The following STK4 variants were observed in gnomAD, a reference collection of about 807,000 sequenced individuals.
STK4 encodes the protein serine/threonine-protein kinase 4.
In STK4, 30 loss-of-function variants were observed where a neutral mutation model predicts 64.9. The ratio of observed to expected loss-of-function variants is 0.46; its 90% CI spans 0.35 to 0.63. The LOEUF (loss-of-function observed/expected upper bound fraction) is 0.63. Ranked by LOEUF, STK4 falls within the 20% of genes least tolerant of loss-of-function variation. The pLI, the probability that STK4 is intolerant of heterozygous loss-of-function variation, is 0.01. For synonymous variants in STK4, 177 were observed against 199.0 expected (o/e 0.89, Z 0.93); for missense variants, 466 against 598.5 (o/e 0.78, Z 2.31).
At chr20:45,042,853 A>G (rs1449697360) in intron 10 of STK4, among the ~76,000 whole-genome samples, 1 of 147,216 alleles carries the variant, frequency 6.8e-6, no homozygotes, top group East Asian at 1.9e-4. Flanking sequence ...AAAAATTTCC[A>G]ACTTTTAAGT....
intron 10 of STK4, among the ~76,000 whole-genome samples, chr20:45,064,111 G>C (rs574193390): frequency 2.8e-4 from 42 of 151,936 alleles, no homozygotes; most frequent in Middle Eastern, 3.4e-3. Context: ...CCCGGCCAAG[G>C]GGGGGGGTCC....
At chr20:45,048,262 T>C (rs1181116448) in intron 10 of STK4, among the ~76,000 whole-genome samples, 1 of 152,208 alleles carries the variant, frequency 6.6e-6, no homozygotes, top group Non-Finnish European at 1.5e-5. Context: ...TCATATTTAC[T>C]TCTGAGTTAT....
At chr20:45,001,047 T>C in intron 8 of STK4, 120 bp from the exon 9 acceptor site, 1 of 1,127,854 alleles carries the variant, frequency 8.9e-7, no homozygotes, top group South Asian at 1.7e-5. Context: ...GGAAGGTGAG[T>C]TTAGGACCTG....
intron 1 of STK4, among the ~76,000 whole-genome samples, chr20:44,967,821 T>C (rs1358889905): frequency 6.6e-6 from 1 of 152,166 alleles, no homozygotes. Flanking sequence ...CACCCTAGCG[T>C]AGTGTGCTGA....
chr20:45,068,016 T>C (rs1979730739), intron 10 of STK4, among the ~76,000 whole-genome samples: 1 of 152,208 alleles, frequency 6.6e-6, no homozygotes, highest in Non-Finnish European at 1.5e-5. Flanking sequence ...CAAAAAAGGA[T>C]ATAAGGTGGT....
chr20:45,054,461 G>GCT (rs1213566673), intron 10 of STK4, among the ~76,000 whole-genome samples: 1 of 151,616 alleles, frequency 6.6e-6, no homozygotes, highest in Non-Finnish European at 1.5e-5. Flanking sequence ...TACTCAAGAG[G>GCT]CTGAGGCAGG....
intron 10 of STK4, among the ~76,000 whole-genome samples, chr20:45,025,959 CT>C (rs1173707228): frequency 6.6e-6 from 1 of 152,124 alleles, no homozygotes; most frequent in Non-Finnish European, 1.5e-5. Context: ...TTAATTTCTA[CT>C]TTTATAAAAT....
chr20:44,997,841 A>G (rs1326621525), intron 7 of STK4, among the ~76,000 whole-genome samples: 1 of 152,208 alleles, frequency 6.6e-6, no homozygotes, highest in African/African-American at 2.4e-5. Flanking sequence ...AAGGGAACTG[A>G]CATTTAGTGA....
Position 45,079,837 on chromosome 20 carries a change from CTTTTT to C in STK4, c.*4663_*4667del, listed in dbSNP as rs1435908895. The C allele has an allele frequency of 1.3e-5, 2 of 152,470 alleles. No individual in the cohort carries two copies. Among genetic ancestry groups the C allele is most frequent in the Non-Finnish European group, 2.9e-5 (2 of 67,994 alleles). 9.4% of individuals were successfully genotyped at this position (152,470 alleles called of 1,614,324 possible). A position where few individuals can be genotyped will look rare whatever the true frequency, so the allele number is the denominator to read the frequency against. On this transcript the variant is annotated 3_prime_UTR_variant, in exon 11 of 11. Coordinates refer to ENST00000372806, the MANE Select transcript of STK4 (RefSeq NM_006282.5). ...CCTCCATTGCCCCCACTCCTTTTTT[CTTTTT>C]TAAGTTTGAGATGCTTCCTGTGTTT... is the stretch of plus-strand genomic sequence containing the variant.
chr20:45,063,688 AT>A (rs752049863), intron 10 of STK4, among the ~76,000 whole-genome samples: 18 of 151,932 alleles, frequency 1.2e-4, no homozygotes, highest in Non-Finnish European at 2.1e-4. Flanking sequence ...CCAGAGTGGT[AT>A]TTCCTAGGTT....
intron 10 of STK4, among the ~76,000 whole-genome samples, chr20:45,057,835 A>G (rs1254746004): frequency 2.0e-5 from 3 of 152,222 alleles, no homozygotes; most frequent in African/African-American, 4.8e-5. Flanking sequence ...TTAGGAATTT[A>G]TACACATTTG....
rs1159526308 is a variant in STK4 at position 44,966,594 on chromosome 20, C to T, written c.26C>T (p.Pro9Leu). The T allele has an allele frequency of 1.6e-6, 2 of 1,273,326 alleles. No individual in the cohort carries two copies. Among genetic ancestry groups the T allele is most frequent in the Non-Finnish European group, 2.0e-6 (2 of 1,001,450 alleles). 78.9% of individuals were successfully genotyped at this position (1,273,326 alleles called of 1,614,324 possible). METVQLRN[P>L]PRRQLKKLDE... Reference sequence around the variant, plus strand: ...ATGGAGACGGTACAGCTGAGGAACCCGCCGCGCCGGTGAGGGGCCACTGGC... The same window carrying T: ...ATGGAGACGGTACAGCTGAGGAACCTGCCGCGCCGGTGAGGGGCCACTGGC... The change falls in exon 1 of 11, where the codon CCG becomes CTG. Residue 9 changes from proline (P) to leucine (L), a missense_variant. This residue lies in a region of STK4 where 190 missense variants were observed against 289.7 expected (regional missense o/e 0.66). Coordinates refer to ENST00000372806, the MANE Select transcript of STK4 (RefSeq NM_006282.5).
At chr20:45,056,086 T>C (rs1338405200) in intron 10 of STK4, among the ~76,000 whole-genome samples, 3 of 152,214 alleles carry the variant, frequency 2.0e-5, no homozygotes, top group African/African-American at 7.2e-5. Context: ...CTTTAAATAC[T>C]ATTTCAACTA....
chr20:45,074,873 A>T, intron 10 of STK4, 145 bp from the exon 11 acceptor site: 1 of 897,200 alleles, frequency 1.1e-6, no homozygotes, highest in Non-Finnish European at 1.7e-6. Flanking sequence ...GTCACTTTCC[A>T]ACCACCACCA....
At chr20:45,035,793 T>G (rs777241340) in intron 10 of STK4, among the ~76,000 whole-genome samples, 7 of 152,184 alleles carry the variant, frequency 4.6e-5, no homozygotes, top group Non-Finnish European at 1.0e-4. Flanking sequence ...CTAGTTGAAT[T>G]AAACTCAAAT....
chr20:45,026,328 T>TGTGTGTGC, intron 10 of STK4, among the ~76,000 whole-genome samples: 1 of 150,882 alleles, frequency 6.6e-6, no homozygotes, highest in Non-Finnish European at 1.5e-5. Context: ...AGTGTGTGTG[T>TGTGTGTGC]GTGTGTGTGT....
At chr20:45,060,968 T>A (rs1274275814) in intron 10 of STK4, among the ~76,000 whole-genome samples, 1 of 152,186 alleles carries the variant, frequency 6.6e-6, no homozygotes, top group Non-Finnish European at 1.5e-5. Context: ...GCTACATTTT[T>A]AAAAAGATGT....
chr20:44,988,729 A>G (rs1039466595), intron 5 of STK4, among the ~76,000 whole-genome samples: 5 of 151,620 alleles, frequency 3.3e-5, no homozygotes, highest in African/African-American at 7.3e-5. Context: ...GCTATTGCCA[A>G]TGTCTAATTC....
In STK4 at chr20:45,076,246, A is replaced by G. The variant is rs1310982464; in HGVS notation, c.*1070A>G. 6.6e-6 allele frequency: 1 copy of G among 152,240 alleles called. No individual in the cohort carries two copies. The highest frequency in any genetic ancestry group is 1.5e-5 in the Non-Finnish European group (1 of 68,050). 9.4% of individuals were successfully genotyped at this position (152,240 alleles called of 1,614,324 possible). ...TAAGATTTGTTTTCCAGGAGGCTCA[A>G]TCTGAACACACAGAATGTCAGAGCT... is the stretch of plus-strand genomic sequence containing the variant. On this transcript the variant is annotated 3_prime_UTR_variant, in exon 11 of 11. Coordinates refer to ENST00000372806, the MANE Select transcript of STK4 (RefSeq NM_006282.5). This position sits in a 1 kb window ranked among gnomAD's most constrained non-coding sequence, Gnocchi z 4.0.
Sources: allele counts gnomAD v4.1 joint callset (sites outside exome capture counted in the v4.1 genomes callset), GRCh38; gene constraint gnomAD v4.1.1; regional missense constraint gnomAD v4.1.1; non-coding constraint Gnocchi (gnomAD v3.1); transcripts MANE v1.5; gene names NCBI Gene and HGNC (gene_info 2026-07-23, HGNC 2026-07-21).